The following ANKRD36C variants were observed in gnomAD, a reference collection of about 807,000 sequenced individuals.
ANKRD36C encodes the protein ankyrin repeat domain 36C.
A neutral mutation model predicts 276.4 loss-of-function variants in ANKRD36C; 61 were observed. That is an observed-to-expected ratio of 0.22 (90% confidence interval 0.18 to 0.27). The LOEUF is 0.27. Among genes scored for constraint, ANKRD36C ranks in the 10% least tolerant of loss-of-function variants. The probability of loss-of-function intolerance (pLI) is 1.00; values close to 1 mark genes in which losing one functional copy is unlikely to be tolerated. For missense variants in ANKRD36C, 1,447 were observed against 2,032.3 expected, an observed-to-expected ratio of 0.71 and a Z score of 5.54; for synonymous variants, 483 against 680.1, an observed-to-expected ratio of 0.71 and a Z score of 4.51.
intron 44 of ANKRD36C, among the ~76,000 whole-genome samples, chr2:95,897,713 A>G (rs1488142921): frequency 2.0e-5 from 3 of 147,204 alleles, no homozygotes; most frequent in African/African-American, 7.5e-5. Context: ...AAACTAAAAT[A>G]AAACCATGTC....
chr2:95,958,240 G>A (rs1442256730), intron 12 of ANKRD36C, among the ~76,000 whole-genome samples: 1 of 151,872 alleles, frequency 6.6e-6, no homozygotes, highest in East Asian at 1.9e-4. Context: ...AATGTGATCA[G>A]GCGCCTACAA....
rs528122129 is a variant in ANKRD36C at position 95,868,286 on chromosome 2, C to CT, written c.3541-706dup. Among the ~76,000 whole-genome samples the CT allele has an allele frequency of 4.1e-3, 552 of 134,350 alleles. 3 individuals are homozygous for CT. Among genetic ancestry groups the CT allele is most frequent in the Admixed American group, 0.012 (162 of 13,446 alleles). 88.1% of individuals were successfully genotyped at this position (134,350 alleles called of 152,430 possible). ...TTTGTAACAACAGAAACACCATCAT[C>CT]TTTTTTTTTTTTTTTAAATCACATG... On this transcript the variant is annotated intron_variant, in intron 59 of 66. Coordinates refer to ENST00000456556, the Ensembl canonical transcript of ANKRD36C.
intron 60 of ANKRD36C, among the ~76,000 whole-genome samples, chr2:95,865,138 A>T (rs1675659971): frequency 6.6e-6 from 1 of 152,060 alleles, no homozygotes; most frequent in Non-Finnish European, 1.5e-5. Flanking sequence ...TGAAATACAG[A>T]TAAATCTGAT....
At chr2:95,912,502 C>G in intron 40 of ANKRD36C, 67 bp from the exon 43 acceptor site, 1 of 1,596,744 alleles carries the variant, frequency 6.3e-7, no homozygotes, top group Non-Finnish European at 8.5e-7. Flanking sequence ...TACATTCGCA[C>G]AGTGTTAGCA....
At chr2:95,912,577 C>G in intron 40 of ANKRD36C, 142 bp from the exon 43 acceptor site, 2 of 1,498,412 alleles carry the variant, frequency 1.3e-6, no homozygotes, top group Non-Finnish European at 1.8e-6. Flanking sequence ...TGTCTGGGGA[C>G]CAGAACGTGA....
chr2:95,964,518 T>C (rs1433257174), intron 6 of ANKRD36C, among the ~76,000 whole-genome samples: 2 of 152,118 alleles, frequency 1.3e-5, no homozygotes, highest in Non-Finnish European at 2.9e-5. Flanking sequence ...ATGTGACATT[T>C]GTACAATCCC....
At chr2:95,894,172 G>C in intron 44 of ANKRD36C, 1 of 211,898 alleles carries the variant, frequency 4.7e-6, no homozygotes, top group Non-Finnish European at 9.5e-6. Context: ...GCCAATAACT[G>C]AGAAGGCACA....
At position 95,962,348 on chromosome 2, in the gene ANKRD36C, A is replaced by C. The variant is rs749026010; in HGVS notation, c.901+4T>G. On this transcript the variant is annotated splice_donor_region_variant and intron_variant, in intron 8 of 66. Coordinates refer to ENST00000456556, the Ensembl canonical transcript of ANKRD36C. ...CATGACATTAGATGTGTATTCCAAA[A>C]TACCTGTCCCAGATTTTTGTCCATC... 8.4e-6 allele frequency: 13 copies of C among 1,553,168 alleles called. No homozygotes were observed. In the South Asian group the frequency reaches 1.5e-4, roughly 18 times the overall value.
intron 42 of ANKRD36C, among the ~76,000 whole-genome samples, chr2:95,909,768 C>A (rs1558635274): frequency 6.6e-6 from 1 of 150,782 alleles, no homozygotes; most frequent in Non-Finnish European, 1.5e-5. Context: ...TTGTTTCCTT[C>A]TTCCAGCAGT....
intron 24 of ANKRD36C, among the ~76,000 whole-genome samples, chr2:95,933,193 A>G (rs1677616135): frequency 6.6e-6 from 1 of 152,306 alleles, no homozygotes; most frequent in African/African-American, 2.4e-5. Context: ...ATAGCCTTGT[A>G]GTGTAGTTTG....
intron 44 of ANKRD36C, among the ~76,000 whole-genome samples, chr2:95,895,098 TA>T (rs1308816336): frequency 6.8e-6 from 1 of 146,788 alleles, no homozygotes; most frequent in Non-Finnish European, 1.5e-5. Flanking sequence ...CTTACACCCT[TA>T]ATGAAAAGAT....
exon 55 of ANKRD36C, chr2:95,882,470 T>C (rs1462877976): frequency 6.4e-7 from 1 of 1,551,296 alleles, no homozygotes; most frequent in Middle Eastern, 2.3e-4. Flanking sequence ...AGTAACTACC[T>C]TCTGGGCCGA....
intron 4 of ANKRD36C, 42 bp downstream of exon 4, chr2:95,982,214 A>G (rs938372702): frequency 7.1e-7 from 1 of 1,416,196 alleles, no homozygotes; most frequent in African/African-American, 1.5e-5. Flanking sequence ...CTAAAATGAC[A>G]CTCAGGTTTA....
chr2:95,910,437 A>C, intron 42 of ANKRD36C: 2 of 1,567,226 alleles, frequency 1.3e-6, no homozygotes, highest in South Asian at 1.2e-5. Context: ...CTTCCTCGTC[A>C]CTTGTAGCCT....
At chr2:95,991,650 C>G in exon 1 of ANKRD36C, 1 of 1,614,022 alleles carries the variant, frequency 6.2e-7, no homozygotes, top group African/African-American at 1.3e-5. Context: ...AAATAAGAAG[C>G]CATCCGAGCA....
At chr2:95,882,172 A>G in intron 56 of ANKRD36C, 130 bp downstream of exon 76, 1 of 764,244 alleles carries the variant, frequency 1.3e-6, no homozygotes, top group Non-Finnish European at 2.2e-6. Context: ...AACTCAGTAG[A>G]AATGCACAAT....
chr2:95,987,446 T>C (rs1679052049), intron 1 of ANKRD36C, among the ~76,000 whole-genome samples: 2 of 151,886 alleles, frequency 1.3e-5, no homozygotes, highest in African/African-American at 4.8e-5. Context: ...TTAGCCTTTC[T>C]TTGCTTCAAT....
intron 64 of ANKRD36C, chr2:95,853,456 A>G (rs1332651956): frequency 3.8e-6 from 1 of 262,018 alleles, no homozygotes; most frequent in Non-Finnish European, 7.1e-6. Flanking sequence ...AATATTTAAG[A>G]AAAAAATATA....
intron 6 of ANKRD36C, among the ~76,000 whole-genome samples, chr2:95,968,178 C>A (rs187397968): frequency 6.6e-6 from 1 of 152,104 alleles, no homozygotes; most frequent in Non-Finnish European, 1.5e-5. Flanking sequence ...ATTACAGAGA[C>A]TCTCATGATT....
Sources: gnomAD v4.1 joint callset for allele counts (sites outside exome capture counted in the v4.1 genomes callset) on GRCh38, gnomAD v4.1.1 for gene constraint, MANE v1.5 for transcripts, NCBI Gene and HGNC (gene_info 2026-07-23, HGNC 2026-07-21) for gene names.